The following C10orf71 variants were observed in gnomAD, a reference collection of about 807,000 sequenced individuals.
C10orf71 encodes cardiac-enriched FHL2-interacting protein.
For missense variants in C10orf71, 1,869 were observed against 1,804.5 expected (o/e 1.04, Z -0.65); for synonymous variants, 758 against 726.3 (o/e 1.04, Z -0.70).
intron 1 of C10orf71, among the ~76,000 whole-genome samples, chr10:49,309,290 G>T (rs1848870575): frequency 6.6e-6 from 1 of 152,182 alleles, no homozygotes; most frequent in Non-Finnish European, 1.5e-5. Flanking sequence ...GGTCATGAGG[G>T]TGGGTCCCCT....
In C10orf71 at chr10:49,326,677, C is replaced by T; in HGVS notation, c.4132C>T (p.His1378Tyr). The T allele has an allele frequency of 6.4e-7, 1 of 1,550,900 alleles. No homozygotes were observed. The highest frequency in any genetic ancestry group is 8.7e-7 in the Non-Finnish European group (1 of 1,146,970). ...GGCCCGCGCCAGGACCCAGAGTGTC[C>T]ACGAGTCTGGACTACAGCTGGACCC... The part of the protein sequence containing the change: ...SAARARTQSV[H>Y]ESGLQLDPGP... Residue 1378 changes from histidine (H) to tyrosine (Y), a missense_variant, in exon 3 of 3, where the codon CAC becomes TAC. Physicochemically the swap from His to Tyr is moderately conservative, Grantham distance 83. Coordinates refer to ENST00000374144, the MANE Select transcript of C10orf71 (RefSeq NM_001135196.2).
rs536533217 is a variant in C10orf71 at position 49,315,881 on chromosome 10, C to A, written c.-247-264C>A. 2.6e-5 allele frequency among the ~76,000 whole-genome samples: 4 copies of A among 152,212 alleles called. No homozygotes were observed. In the South Asian group the frequency reaches 8.3e-4, roughly 32 times the overall value. ...GACCAGCCTGGCCAATATGGTGAAA[C>A]CCCATTACTACCAAAAATACAAAAC... On this transcript the variant is annotated intron_variant, in intron 1 of 2. Transcript: ENST00000374144.
rs757331659 is a variant in C10orf71 at position 49,325,270 on chromosome 10, G to A, written c.2725G>A (p.Glu909Lys). 49 of 1,551,710 alleles carry A rather than the reference G, an allele frequency of 3.2e-5. No individual in the cohort carries two copies. Among genetic ancestry groups the A allele is most frequent in the South Asian group, 1.9e-4 (16 of 84,052 alleles). Residue 909 changes from glutamate to lysine, a missense_variant, in exon 3 of 3, where the codon GAA becomes AAA. Coordinates refer to ENST00000374144, the MANE Select transcript of C10orf71 (RefSeq NM_001135196.2). ...WGEDPGFCAP[E>K]NQDILGTSTP... ...TGAGGATCCTGGGTTTTGTGCCCCC[G>A]AAAACCAGGACATTCTTGGTACATC...
In C10orf71 at chr10:49,324,789, T is replaced by C; in HGVS notation, c.2244T>C (p.Phe748=). The C allele has an allele frequency of 6.4e-7, 1 of 1,552,538 alleles. No homozygotes were observed. Among genetic ancestry groups the C allele is most frequent in the Middle Eastern group, 1.7e-4 (1 of 5,994 alleles). The part of the protein sequence containing the change: ...ASFDDQQKMW[F]TENQREDRRK... ...TTGATGATCAGCAGAAGATGTGGTT[T>C]ACTGAGAACCAGCGGGAAGACAGGA... The change falls in exon 3 of 3, where the codon TTT becomes TTC. Residue 748 remains phenylalanine, a synonymous_variant. Coordinates refer to ENST00000374144, the MANE Select transcript of C10orf71 (RefSeq NM_001135196.2).
At position 49,325,837 on chromosome 10, in the gene C10orf71, C is replaced by T. The variant is rs1253576800; in HGVS notation, c.3292C>T (p.Pro1098Ser). Residue 1098 changes from proline (P) to serine (S), a missense_variant, in exon 3 of 3, where the codon CCC (proline) becomes TCC (serine). By Grantham distance (74) the Pro-to-Ser change is moderately conservative. Coordinates refer to ENST00000374144, the MANE Select transcript of C10orf71 (RefSeq NM_001135196.2). Reference sequence around the variant, plus strand: ...TCCCGAGGAGCCTAATCAAGCCAGCCCCTGGGCCAGCTCCAGTCCTGCCAG... The same window carrying T: ...TCCCGAGGAGCCTAATCAAGCCAGCTCCTGGGCCAGCTCCAGTCCTGCCAG... ...LLPEEPNQASPWASSSPARVT... is the reference protein window; with the variant it reads ...LLPEEPNQASSWASSSPARVT... The T allele has an allele frequency of 6.4e-7, 1 of 1,551,346 alleles. No individual in the cohort carries two copies. The highest frequency in any genetic ancestry group is 2.4e-5 in the East Asian group (1 of 40,910).
Position 49,325,960 on chromosome 10 carries a change from C to T in C10orf71, c.3415C>T (p.Pro1139Ser). The T allele has an allele frequency of 6.4e-7, 1 of 1,551,688 alleles. No homozygotes were observed. The highest frequency in any genetic ancestry group is 8.7e-7 in the Non-Finnish European group (1 of 1,146,972). Residue 1139 changes from proline (P) to serine (S), a missense_variant, in exon 3 of 3, where the codon CCA becomes TCA. Physicochemically the swap from Pro to Ser is moderately conservative, Grantham distance 74. Transcript: ENST00000374144. ...GGCAGAAGACCTCCGGACCCTCTCT[C>T]CAAGAGGTTCATTGCTGGATGTGGC... ...LSAEDLRTLSPRGSLLDVATS... is the reference protein window; with the variant it reads ...LSAEDLRTLSSRGSLLDVATS...
intron 1 of C10orf71, among the ~76,000 whole-genome samples, chr10:49,311,670 C>T (rs1474092879): frequency 6.6e-6 from 1 of 152,166 alleles, no homozygotes; most frequent in Non-Finnish European, 1.5e-5. Flanking sequence ...AAAGATTCTA[C>T]GAGGAACAGA....
At position 49,319,345 on chromosome 10, in the gene C10orf71, GA is replaced by G. The variant is rs56197902; in HGVS notation, c.-144-3046del. Among the ~76,000 whole-genome samples the G allele has an allele frequency of 8.7e-3, 1,200 of 138,546 alleles. 16 individuals carry two copies. Among genetic ancestry groups the G allele is most frequent in the African/African-American group, 0.026 (969 of 37,362 alleles). The allele number at this position is 138,546 out of a possible 152,430, so 90.9% of individuals were successfully genotyped here. A position where few individuals can be genotyped will look rare whatever the true frequency, so the allele number is the denominator to read the frequency against. On this transcript the variant is annotated intron_variant, in intron 2 of 2. Transcript: ENST00000374144. The stretch of plus-strand genomic sequence containing the variant: ...CCACCAGGATGGGTACTTTCAAAAA[GA>G]AAAAAAAAAAGCAGAAAATAACAAG...
chr10:49,311,210 T>C (rs1250558630), intron 1 of C10orf71, among the ~76,000 whole-genome samples: 1 of 152,192 alleles, frequency 6.6e-6, no homozygotes, highest in Non-Finnish European at 1.5e-5. Context: ...GCTCTGGTCC[T>C]ATGGACCTGA....
At chr10:49,320,708 A>T (rs983194112) in intron 2 of C10orf71, among the ~76,000 whole-genome samples, 1 of 152,196 alleles carries the variant, frequency 6.6e-6, no homozygotes, top group Admixed American at 6.5e-5. Context: ...CAGAACCAAT[A>T]GGATATGTGG....
chr10:49,324,226 C>T lies in C10orf71; in HGVS notation c.1681C>T (p.Pro561Ser). 6.2e-7 allele frequency: 1 copy of T among 1,613,970 alleles called. No individual in the cohort carries two copies. The highest frequency in any genetic ancestry group is 8.5e-7 in the Non-Finnish European group (1 of 1,179,892). ...TCCAAATGAGCTTTCTAAGGAGAGA[C>T]CCGCTGATGACCCCACTGCATCACA... ...SPPNELSKER[P>S]ADDPTASHIN... Residue 561 changes from proline to serine, a missense_variant, in exon 3 of 3, where the codon CCC becomes TCC. Coordinates refer to ENST00000374144, the MANE Select transcript of C10orf71 (RefSeq NM_001135196.2).
intron 1 of C10orf71, among the ~76,000 whole-genome samples, chr10:49,302,295 CCA>C (rs1848742273): frequency 6.6e-6 from 1 of 152,234 alleles, no homozygotes; most frequent in Admixed American, 6.5e-5. Flanking sequence ...GGTTGCCAAG[CCA>C]CAGTAGCACC....
In C10orf71 at chr10:49,322,504, A is replaced by T; in HGVS notation, c.-42A>T. The T allele has an allele frequency of 6.5e-7, 1 of 1,539,230 alleles. No individual in the cohort carries two copies. Among genetic ancestry groups the T allele is most frequent in the Non-Finnish European group, 8.8e-7 (1 of 1,139,424 alleles). On this transcript the variant is annotated 5_prime_UTR_variant, in exon 3 of 3. Coordinates refer to ENST00000374144, the MANE Select transcript of C10orf71 (RefSeq NM_001135196.2). ...AACCTTGACAGAATCATCACCAGAG[A>T]CACCTGCCGGCTGACAAGGACAGCT...
rs1278612618 is a variant in C10orf71, at chr10:49,325,896, C to T, written c.3351C>T (p.Leu1117=). 2 of 1,549,824 alleles carry T rather than the reference C, an allele frequency of 1.3e-6. No homozygotes were observed. Among genetic ancestry groups the T allele is most frequent in the Non-Finnish European group, 1.7e-6 (2 of 1,145,770 alleles). The change falls in exon 3 of 3, where the codon CTC becomes CTT. Residue 1117 remains leucine (L), a synonymous_variant. Coordinates refer to ENST00000374144, the MANE Select transcript of C10orf71 (RefSeq NM_001135196.2). Reference sequence around the variant, plus strand: ...GGAGGGAGGACCTGACCCACGCCCTCGTGTGGGAGGGCGGCTCTGACCCCC... The same window carrying T: ...GGAGGGAGGACCTGACCCACGCCCTTGTGTGGGAGGGCGGCTCTGACCCCC... The part of the protein sequence containing the change: ...VTRREDLTHA[L]VWEGGSDPLL...
intron 1 of C10orf71, among the ~76,000 whole-genome samples, chr10:49,311,241 G>A (rs1390176647): frequency 6.6e-6 from 1 of 152,182 alleles, no homozygotes; most frequent in African/African-American, 2.4e-5. Flanking sequence ...AGTTATGTGG[G>A]GGACACCTGC....
chr10:49,311,605 T>C (rs915043507), intron 1 of C10orf71, among the ~76,000 whole-genome samples: 9 of 152,168 alleles, frequency 5.9e-5, no homozygotes, highest in African/African-American at 2.2e-4. Context: ...GTGGGAGAGA[T>C]AGATTCACCG....
chr10:49,320,361 C>T (rs1849073663), intron 2 of C10orf71, among the ~76,000 whole-genome samples: 1 of 152,162 alleles, frequency 6.6e-6, no homozygotes, highest in African/African-American at 2.4e-5. Flanking sequence ...CTGCCAGCAC[C>T]TCTACTGGCC....
intron 1 of C10orf71, among the ~76,000 whole-genome samples, chr10:49,307,581 C>A (rs978769676): frequency 1.1e-4 from 16 of 152,234 alleles, no homozygotes; most frequent in African/African-American, 3.9e-4. Context: ...AGCTCCGGAG[C>A]CTGCTGGGAT....
chr10:49,326,697 G>T lies in C10orf71; in HGVS notation c.4152G>T (p.Leu1384=), dbSNP rs1469612136. Residue 1384 remains leucine, a synonymous_variant, in exon 3 of 3, where the codon CTG becomes CTT. Coordinates refer to ENST00000374144, the MANE Select transcript of C10orf71 (RefSeq NM_001135196.2). Reference sequence around the variant, plus strand: ...GTGTCCACGAGTCTGGACTACAGCTGGACCCAGGGCCTCACGGTGACTGCA... The same window carrying T: ...GTGTCCACGAGTCTGGACTACAGCTTGACCCAGGGCCTCACGGTGACTGCA... ...TQSVHESGLQ[L]DPGPHGDCTP... 1.3e-6 allele frequency: 2 copies of T among 1,550,952 alleles called. No homozygotes were observed. Among genetic ancestry groups the T allele is most frequent in the Non-Finnish European group, 1.7e-6 (2 of 1,146,980 alleles).
Sources: gnomAD v4.1 joint callset for allele counts (sites outside exome capture counted in the v4.1 genomes callset) on GRCh38, gnomAD v4.1.1 for gene constraint, MANE v1.5 for transcripts, NCBI Gene and HGNC (gene_info 2026-07-23, HGNC 2026-07-21) for gene names.